Variants in DHRSX observed in about 807,000 individuals in gnomAD.
DHRSX encodes dehydrogenase/reductase X-linked.
In DHRSX, 31 loss-of-function variants were observed where a neutral mutation model predicts 34.0. That is an observed-to-expected ratio of 0.91 (90% CI 0.69 to 1.23). DHRSX has a LOEUF of 1.23. Among genes scored for constraint, DHRSX ranks in the 50% most tolerant of loss-of-function variants. The pLI is 0.00. For synonymous variants in DHRSX, 201 were observed against 183.8 expected (o/e 1.09, Z -0.76); for missense variants, 414 against 428.1 (o/e 0.97, Z 0.29).
chrX:2,475,727 C>T (rs1388413886), intron 1 of DHRSX, among the ~76,000 whole-genome samples: 2 of 152,180 alleles, frequency 1.3e-5, no homozygotes, highest in East Asian at 3.9e-4. Flanking sequence ...AAGATGTTCC[C>T]TAAGAATGTG....
At chrX:2,378,961 C>T (rs1240525088) in intron 3 of DHRSX, among the ~76,000 whole-genome samples, 3 of 152,082 alleles carry the variant, frequency 2.0e-5, no homozygotes, top group South Asian at 2.1e-4. Context: ...CGTGAGCCAC[C>T]GCGCCCGGCC....
chrX:2,232,835 G>A (rs2015928207), intron 6 of DHRSX, among the ~76,000 whole-genome samples: 1 of 152,024 alleles, frequency 6.6e-6, no homozygotes. Flanking sequence ...GCCTCCAAAA[G>A]TGCTGAGATT....
Position 2,440,210 on chromosome X carries a change from C to CT in DHRSX, c.110-14907dup, listed in dbSNP as rs200920775. Among the ~76,000 whole-genome samples the CT allele has an allele frequency of 5.7e-4, 87 of 151,764 alleles. 2 individuals carry two copies. The East Asian group carries it at 0.016, about 28-fold the overall frequency. ...TTCTTATTTGTTCTTTTTTCTTTTT[C>CT]TTTTTTTTGAGACAAGGTCTCACTC... On this transcript the variant is annotated intron_variant, in intron 1 of 6. Transcript: ENST00000334651.
chrX:2,475,677 C>A (rs1224616746), intron 1 of DHRSX, among the ~76,000 whole-genome samples: 1 of 151,976 alleles, frequency 6.6e-6, no homozygotes, highest in African/African-American at 2.4e-5. Context: ...AACACGTTCC[C>A]TAAGAATGTG....
intron 3 of DHRSX, among the ~76,000 whole-genome samples, chrX:2,362,265 G>A (rs1490850151): frequency 6.6e-6 from 1 of 152,084 alleles, no homozygotes; most frequent in East Asian, 1.9e-4. Context: ...TCTGTAGAAG[G>A]CTCCCAGGGA....
chrX:2,348,655 A>G (rs113550560), intron 3 of DHRSX, among the ~76,000 whole-genome samples: 3,337 of 152,096 alleles, frequency 0.022, 71 homozygotes, highest in African/African-American at 0.044. Context: ...TTTTGCAAAG[A>G]AAGGAGGTCC....
At chrX:2,434,950 C>T (rs1380881875) in intron 1 of DHRSX, among the ~76,000 whole-genome samples, 8 of 152,084 alleles carry the variant, frequency 5.3e-5, no homozygotes, top group Non-Finnish European at 7.4e-5. Flanking sequence ...AAAAGACACA[C>T]GTGATTTGAA....
chrX:2,455,210 C>T (rs1340724239), intron 1 of DHRSX, among the ~76,000 whole-genome samples: 1 of 151,718 alleles, frequency 6.6e-6, no homozygotes, highest in Admixed American at 6.6e-5. Context: ...AGACAAAATA[C>T]CTCCTGTTCT....
chrX:2,494,026 T>C (rs2045224419), intron 1 of DHRSX, among the ~76,000 whole-genome samples: 2 of 152,114 alleles, frequency 1.3e-5, no homozygotes, highest in South Asian at 4.1e-4. Flanking sequence ...ACTATTGTTT[T>C]TAGGCTGGAA....
intron 1 of DHRSX, among the ~76,000 whole-genome samples, chrX:2,481,509 T>G (rs1159607280): frequency 2.0e-5 from 3 of 151,434 alleles, no homozygotes; most frequent in Non-Finnish European, 4.4e-5. Flanking sequence ...CTACGAAAAA[T>G]ATAAAAATTA....
intron 4 of DHRSX, among the ~76,000 whole-genome samples, chrX:2,287,058 T>C (rs1309334291): frequency 6.6e-6 from 1 of 152,244 alleles, no homozygotes; most frequent in Non-Finnish European, 1.5e-5. Flanking sequence ...CACAGAATGA[T>C]TATTGGTCCA....
chrX:2,242,997 G>A, intron 6 of DHRSX, 26 bp downstream of exon 6: 1 of 1,605,926 alleles, frequency 6.2e-7, no homozygotes, highest in South Asian at 1.1e-5. Flanking sequence ...GTGCAGCCGT[G>A]AATCAGAGAA....
chrX:2,460,574 A>C, intron 1 of DHRSX, among the ~76,000 whole-genome samples: 1 of 110,040 alleles, frequency 9.1e-6, no homozygotes, highest in Admixed American at 9.4e-5. Context: ...GTGTGCCACC[A>C]CGTCTGGCTT....
chrX:2,386,882 G>GTTTTTTTT (rs57827913), intron 3 of DHRSX, among the ~76,000 whole-genome samples: 3 of 124,090 alleles, frequency 2.4e-5, no homozygotes, highest in Admixed American at 8.1e-5. Flanking sequence ...TGATGGTTTT[G>GTTTTTTTT]TTTTTTTTTT....
chrX:2,248,649 GAAAGAAAA>G (rs2016360408), intron 5 of DHRSX, among the ~76,000 whole-genome samples: 2 of 85,074 alleles, frequency 2.4e-5, no homozygotes, highest in Non-Finnish European at 7.1e-5. Flanking sequence ...AAAAGAAAAA[GAAAGAAAA>G]GAAAAGGAAA....
Position 2,471,362 on chromosome X carries a change from T to C in DHRSX, c.109+29455A>G, listed in dbSNP as rs754178398. Among the ~76,000 whole-genome samples the C allele has an allele frequency of 7.2e-5, 11 of 152,106 alleles. No individual in the cohort carries two copies. In the East Asian group the frequency reaches 2.1e-3, roughly 29 times the overall value. Reference sequence around the variant, plus strand: ...TGGGTGGATCACCTGAGGTCACGAGTTCGAGAGCAGCCTGAACAATAGGCT... The same window carrying C: ...TGGGTGGATCACCTGAGGTCACGAGCTCGAGAGCAGCCTGAACAATAGGCT... On this transcript the variant is annotated intron_variant, in intron 1 of 6. Coordinates refer to ENST00000334651, the MANE Select transcript of DHRSX (RefSeq NM_145177.3).
At chrX:2,239,405 C>CA (rs35401659) in intron 6 of DHRSX, among the ~76,000 whole-genome samples, 61,688 of 123,876 alleles carry the variant, frequency 0.5, 13,929 homozygotes, top group Middle Eastern at 0.6. Context: ...GCCGTTTCTA[C>CA]AAAAAAAAAA....
intron 1 of DHRSX, among the ~76,000 whole-genome samples, chrX:2,499,571 G>C (rs2045361275): frequency 6.6e-6 from 1 of 152,036 alleles, no homozygotes; most frequent in South Asian, 2.1e-4. Flanking sequence ...AGGGGTTCAA[G>C]ACCAGCCTGG....
At chrX:2,392,757 A>C in intron 3 of DHRSX, among the ~76,000 whole-genome samples, 1 of 53,820 alleles carries the variant, frequency 1.9e-5, no homozygotes, top group Admixed American at 2.1e-4. Flanking sequence ...ATAAAAATAT[A>C]TACTAAATAT....
Sources: gnomAD v4.1 joint callset for allele counts (sites outside exome capture counted in the v4.1 genomes callset) on GRCh38, gnomAD v4.1.1 for gene constraint, MANE v1.5 for transcripts, NCBI Gene and HGNC (gene_info 2026-07-23, HGNC 2026-07-21) for gene names.